The following MAGI1 variants were observed in gnomAD, a reference collection of about 807,000 sequenced individuals.
MAGI1 encodes membrane-associated guanylate kinase, WW and PDZ domain-containing protein 1.
A neutral mutation model predicts 139.9 loss-of-function variants in MAGI1; 58 were observed. That is an observed-to-expected ratio of 0.41 (90% CI 0.34 to 0.52). The LOEUF (loss-of-function observed/expected upper bound fraction) is 0.52, where lower values mean the gene tolerates loss of function less well. Among genes scored for constraint, MAGI1 ranks in the 20% least tolerant of loss-of-function variants. MAGI1 has a pLI of 0.12. For missense variants in MAGI1, 1,874 were observed against 1,901.6 expected, an observed-to-expected ratio of 0.99 and a Z score of 0.27; for synonymous variants, 812 against 737.9, an observed-to-expected ratio of 1.10 and a Z score of -1.63.
At chr3:65,615,760 T>C (rs1178042819) in intron 2 of MAGI1, among the ~76,000 whole-genome samples, 1 of 152,178 alleles carries the variant, frequency 6.6e-6, no homozygotes, top group African/African-American at 2.4e-5. Context: ...AAAAGTATTG[T>C]TATCTAATCC....
chr3:65,731,663 TA>T (rs35714265), intron 1 of MAGI1, among the ~76,000 whole-genome samples: 39,106 of 112,738 alleles, frequency 0.35, 5,339 homozygotes, highest in African/African-American at 0.39. Context: ...TCAAAAAATT[TA>T]AAAAAAAAAA....
intron 2 of MAGI1, among the ~76,000 whole-genome samples, chr3:65,590,506 A>G (rs540179388): frequency 6.6e-6 from 1 of 152,328 alleles, no homozygotes; most frequent in Non-Finnish European, 1.5e-5. Context: ...ACTTGCTATT[A>G]AAACTTGTCC....
At chr3:65,486,854 C>T (rs1247159722) in intron 3 of MAGI1, among the ~76,000 whole-genome samples, 1 of 152,062 alleles carries the variant, frequency 6.6e-6, no homozygotes, top group Non-Finnish European at 1.5e-5. Flanking sequence ...GCAAACCTAC[C>T]CCAATTATAG....
intron 2 of MAGI1, among the ~76,000 whole-genome samples, chr3:65,521,443 C>T (rs1356789775): frequency 1.3e-5 from 2 of 152,114 alleles, no homozygotes; most frequent in Non-Finnish European, 2.9e-5. Context: ...GGAGCAAGTA[C>T]AAGAGATGTT....
intron 1 of MAGI1, among the ~76,000 whole-genome samples, chr3:65,737,594 G>C (rs1184149494): frequency 6.6e-6 from 1 of 152,188 alleles, no homozygotes; most frequent in African/African-American, 2.4e-5. Context: ...GCAGGTGGTA[G>C]CTCACTCACA....
At chr3:65,711,848 G>A (rs1332484176) in intron 1 of MAGI1, among the ~76,000 whole-genome samples, 5 of 152,170 alleles carry the variant, frequency 3.3e-5, no homozygotes, top group Admixed American at 2.6e-4. Flanking sequence ...AAAGTCCATC[G>A]TTCAAGCCAC....
At chr3:65,575,696 G>C (rs892942849) in intron 2 of MAGI1, among the ~76,000 whole-genome samples, 1 of 152,128 alleles carries the variant, frequency 6.6e-6, no homozygotes, top group African/African-American at 2.4e-5. Flanking sequence ...AACAAAAATA[G>C]TGAGCTGTTG....
At chr3:65,448,696 A>G (rs531493738) in intron 6 of MAGI1, among the ~76,000 whole-genome samples, 390 of 30,054 alleles carry the variant, frequency 0.013, 1 homozygote, top group African/African-American at 0.033. Flanking sequence ...GAGAAAACAC[A>G]TACACACACA....
At chr3:66,009,637 A>G (rs1313581413) in intron 1 of MAGI1, among the ~76,000 whole-genome samples, 2 of 152,232 alleles carry the variant, frequency 1.3e-5, no homozygotes, top group East Asian at 3.8e-4. Flanking sequence ...TTACTGAGAG[A>G]ATTAAACAGT....
rs549996479 is a variant in MAGI1 at position 65,480,185 on chromosome 3, C to A, written c.551-1387G>T. On this transcript the variant is annotated intron_variant, in intron 3 of 22. Transcript: ENST00000402939. The stretch of plus-strand genomic sequence containing the variant: ...CCAAAAAAAAAAAAAACACAAAAAA[C>A]CACAAAAGGAGACGGTAATAGCCTG... 4.2e-3 allele frequency among the ~76,000 whole-genome samples: 603 copies of A among 142,172 alleles called. 6 individuals carry two copies. Among genetic ancestry groups the A allele is most frequent in the African/African-American group, 0.015 (560 of 38,508 alleles). 93.3% of individuals were successfully genotyped at this position (142,172 alleles called of 152,430 possible).
chr3:65,681,590 A>C (rs1320167654), intron 1 of MAGI1, among the ~76,000 whole-genome samples: 1 of 152,182 alleles, frequency 6.6e-6, no homozygotes, highest in Non-Finnish European at 1.5e-5. Context: ...AACCCCTGAA[A>C]ACTTTCTGTA....
intron 2 of MAGI1, among the ~76,000 whole-genome samples, chr3:65,565,267 T>A (rs2108036879): frequency 6.6e-6 from 1 of 152,298 alleles, no homozygotes; most frequent in East Asian, 1.9e-4. Context: ...CTAACTCCAA[T>A]AGAAAATAAT....
intron 1 of MAGI1, among the ~76,000 whole-genome samples, chr3:65,853,837 G>C (rs2059287469): frequency 6.6e-6 from 1 of 152,192 alleles, no homozygotes; most frequent in South Asian, 2.1e-4. Context: ...AGGTGTGGTG[G>C]CTCACATCTA....
intron 1 of MAGI1, among the ~76,000 whole-genome samples, chr3:65,887,748 T>C (rs1473425500): frequency 6.6e-6 from 1 of 152,188 alleles, no homozygotes; most frequent in Non-Finnish European, 1.5e-5. Flanking sequence ...AGTTCATCTT[T>C]GAGCTTCGAT....
intron 1 of MAGI1, among the ~76,000 whole-genome samples, chr3:65,900,340 G>A (rs961898523): frequency 6.6e-6 from 1 of 152,156 alleles, no homozygotes; most frequent in Non-Finnish European, 1.5e-5. Context: ...CAATGAACAT[G>A]ATGTGTAAGA....
intron 1 of MAGI1, among the ~76,000 whole-genome samples, chr3:65,853,115 G>A (rs529487804): frequency 8.6e-5 from 13 of 151,892 alleles, no homozygotes; most frequent in Admixed American, 7.9e-4. Context: ...GCATTGAGCC[G>A]AGATTTGTGC....
chr3:65,442,844 G>A lies in MAGI1; in HGVS notation c.1084C>T (p.Pro362Ser). 1 of 1,612,712 alleles carries A rather than the reference G, an allele frequency of 6.2e-7. No homozygotes were observed. The highest frequency in any genetic ancestry group is 8.5e-7 in the Non-Finnish European group (1 of 1,179,140). The change falls in exon 8 of 23, where the codon CCT becomes TCT. Residue 362 changes from proline (P) to serine (S), a missense_variant. Physicochemically the swap from Pro to Ser is moderately conservative, Grantham distance 74. Coordinates refer to ENST00000402939, the MANE Select transcript of MAGI1 (RefSeq NM_001033057.2). ...TEELDSELEL[P>S]AGWEKIEDPV... ...TCTTCAATCTTTTCCCAACCAGCAG[G>A]CAGTTCTGAAAAATAAAAGAACATT...
intron 1 of MAGI1, among the ~76,000 whole-genome samples, chr3:65,728,731 A>T (rs1315473556): frequency 6.6e-6 from 1 of 152,198 alleles, no homozygotes; most frequent in East Asian, 1.9e-4. Flanking sequence ...ATTTTTTAAA[A>T]AATTATTTTG....
At chr3:65,709,945 T>C (rs1024085721) in intron 1 of MAGI1, among the ~76,000 whole-genome samples, 1 of 152,210 alleles carries the variant, frequency 6.6e-6, no homozygotes, top group African/African-American at 2.4e-5. Flanking sequence ...TGAGAAACAC[T>C]GCATCCCAAA....
Sources: allele counts gnomAD v4.1 joint callset (sites outside exome capture counted in the v4.1 genomes callset), GRCh38; gene constraint gnomAD v4.1.1; transcripts MANE v1.5; gene names NCBI Gene and HGNC (gene_info 2026-07-23, HGNC 2026-07-21).